Variants in NXPH1 observed in about 807,000 individuals in gnomAD.
NXPH1 encodes neurexophilin-1.
Under a neutral mutation model 23.7 loss-of-function variants are expected in NXPH1, and 5 were observed. The observed-to-expected ratio is 0.21, with a 90% CI of 0.11 to 0.44. The LOEUF (loss-of-function observed/expected upper bound fraction) is 0.44. NXPH1 is among the 20% of genes least tolerant of loss of function. The pLI is 0.99. For synonymous variants in NXPH1, 144 were observed against 122.2 expected (o/e 1.18, Z -1.18); for missense variants, 324 against 321.6 (o/e 1.01, Z -0.06).
intron 2 of NXPH1, among the ~76,000 whole-genome samples, chr7:8,674,373 A>G (rs191505054): frequency 6.6e-6 from 1 of 152,168 alleles, no homozygotes; most frequent in Admixed American, 6.5e-5. Flanking sequence ...TGTTTCTCTC[A>G]AAGTATATTC....
intron 2 of NXPH1, among the ~76,000 whole-genome samples, chr7:8,738,212 GC>G (rs1780295390): frequency 6.6e-6 from 1 of 152,146 alleles, no homozygotes; most frequent in South Asian, 2.1e-4. Context: ...AGGAGAAGAG[GC>G]ATTCTGGATT....
In NXPH1 at chr7:8,751,232, C is replaced by A; in HGVS notation, c.279C>A (p.Asn93Lys). The A allele has an allele frequency of 6.2e-7, 1 of 1,613,872 alleles. No homozygotes were observed. Among genetic ancestry groups the A allele is most frequent in the Non-Finnish European group, 8.5e-7 (1 of 1,179,812 alleles). Reference protein sequence around the residue: ...SEQDLWDWLRNSTDLQEPRPR... With the variant: ...SEQDLWDWLRKSTDLQEPRPR... ...AAGACCTCTGGGACTGGCTGAGGAACTCCACAGACCTTCAAGAGCCTCGGC... is the reference window on the plus strand; with the variant it reads ...AAGACCTCTGGGACTGGCTGAGGAAATCCACAGACCTTCAAGAGCCTCGGC... Residue 93 changes from asparagine (N) to lysine (K), a missense_variant, in exon 3 of 3, where the codon AAC becomes AAA. Asn to Lys is a moderately conservative substitution (Grantham distance 94, BLOSUM62 0). Transcript: ENST00000405863. This position sits in a 1 kb window ranked among gnomAD's most constrained non-coding sequence, Gnocchi z 4.5.
chr7:8,492,196 A>AT (rs1355926204), intron 2 of NXPH1, among the ~76,000 whole-genome samples: 1 of 151,924 alleles, frequency 6.6e-6, no homozygotes, highest in African/African-American at 2.4e-5. Context: ...AGAATTTTAG[A>AT]TTTTTTCCTT....
chr7:8,548,140 C>T (rs1423216846), intron 2 of NXPH1, among the ~76,000 whole-genome samples: 1 of 151,460 alleles, frequency 6.6e-6, no homozygotes, highest in Non-Finnish European at 1.5e-5. Flanking sequence ...TAATTCTTAT[C>T]CTCCCACCTT....
chr7:8,740,365 G>A (rs371818692), intron 2 of NXPH1, among the ~76,000 whole-genome samples: 1 of 152,168 alleles, frequency 6.6e-6, no homozygotes, highest in Admixed American at 6.5e-5. Context: ...ATAAATACAG[G>A]CATGTATTTA....
At chr7:8,531,844 G>A (rs879569323) in intron 2 of NXPH1, among the ~76,000 whole-genome samples, 5 of 152,144 alleles carry the variant, frequency 3.3e-5, no homozygotes, top group African/African-American at 4.8e-5. Flanking sequence ...TGTTCCATCT[G>A]GTGTTAAAGC....
chr7:8,728,661 A>G (rs1245971949), intron 2 of NXPH1, among the ~76,000 whole-genome samples: 1 of 151,232 alleles, frequency 6.6e-6, no homozygotes, highest in African/African-American at 2.4e-5. Context: ...GCGTATATTG[A>G]ACCAGCCTTG....
intron 2 of NXPH1, among the ~76,000 whole-genome samples, chr7:8,624,169 A>C (rs1819940527): frequency 6.6e-6 from 1 of 152,188 alleles, no homozygotes; most frequent in Non-Finnish European, 1.5e-5. Context: ...CCAAAGCATC[A>C]GAGGAGCCTC....
At chr7:8,586,404 A>G (rs1818982201) in intron 2 of NXPH1, among the ~76,000 whole-genome samples, 1 of 152,094 alleles carries the variant, frequency 6.6e-6, no homozygotes, top group Non-Finnish European at 1.5e-5. Context: ...CCCATGTCAT[A>G]TGAACCAGTG....
chr7:8,454,798 G>A (rs900865711), intron 2 of NXPH1, among the ~76,000 whole-genome samples: 2 of 152,028 alleles, frequency 1.3e-5, no homozygotes, highest in Non-Finnish European at 2.9e-5. Flanking sequence ...TACCTATTGG[G>A]CAATATGACA....
chr7:8,631,813 A>C (rs965780056), intron 2 of NXPH1, among the ~76,000 whole-genome samples: 1 of 152,168 alleles, frequency 6.6e-6, no homozygotes, highest in Non-Finnish European at 1.5e-5. Flanking sequence ...ACATTCTCTT[A>C]TTAGAAGCAA....
intron 2 of NXPH1, among the ~76,000 whole-genome samples, chr7:8,609,278 G>A (rs936679711): frequency 6.6e-6 from 1 of 152,126 alleles, no homozygotes; most frequent in East Asian, 1.9e-4. Context: ...CATTTTAGAC[G>A]ATTCTTTAAC....
rs530418896 is a variant in NXPH1 at position 8,553,181 on chromosome 7, A to T, written c.54+117414A>T. On this transcript the variant is annotated intron_variant, in intron 2 of 2. Coordinates refer to ENST00000405863, the MANE Select transcript of NXPH1 (RefSeq NM_152745.3). The stretch of plus-strand genomic sequence containing the variant: ...AGAAAAAAAGCAGAGCTGGACAAAC[A>T]AATTTATTTCTCTATCCTTAATGGA... Among the ~76,000 whole-genome samples the T allele has an allele frequency of 2.0e-5, 3 of 151,736 alleles. No homozygotes were observed. The South Asian group carries it at 6.2e-4, about 31-fold the overall frequency.
intron 2 of NXPH1, among the ~76,000 whole-genome samples, chr7:8,528,401 T>C (rs1817899051): frequency 6.6e-6 from 1 of 152,250 alleles, no homozygotes; most frequent in Admixed American, 6.5e-5. Context: ...ATGACTTTGG[T>C]TTGCAGAAAT....
chr7:8,725,412 C>T (rs912459312), intron 2 of NXPH1, among the ~76,000 whole-genome samples: 11 of 151,552 alleles, frequency 7.3e-5, no homozygotes, highest in African/African-American at 2.4e-4. Context: ...ATGGCTAGAA[C>T]CTGGGAGGCA....
At chr7:8,466,391 C>T (rs1235480059) in intron 2 of NXPH1, among the ~76,000 whole-genome samples, 2 of 152,068 alleles carry the variant, frequency 1.3e-5, no homozygotes, top group Non-Finnish European at 2.9e-5. Flanking sequence ...GTCAGCAGAA[C>T]CAGTGATGTA....
chr7:8,514,420 C>T (rs936926387), intron 2 of NXPH1, among the ~76,000 whole-genome samples: 1 of 152,116 alleles, frequency 6.6e-6, no homozygotes, highest in Non-Finnish European at 1.5e-5. Flanking sequence ...AGTTGCACAG[C>T]GAATAGCAGA....
At chr7:8,500,127 T>G (rs934126735) in intron 2 of NXPH1, among the ~76,000 whole-genome samples, 10 of 152,100 alleles carry the variant, frequency 6.6e-5, no homozygotes, top group African/African-American at 2.4e-4. Flanking sequence ...GGCAGAAGTT[T>G]CCTCGCCATC....
Position 8,634,888 on chromosome 7 carries a change from C to G in NXPH1, c.55-116120C>G, listed in dbSNP as rs776308961. 5.3e-5 allele frequency among the ~76,000 whole-genome samples: 8 copies of G among 152,040 alleles called. No homozygotes were observed. The South Asian group carries it at 1.7e-3, about 31-fold the overall frequency. On this transcript the variant is annotated intron_variant, in intron 2 of 2. Coordinates refer to ENST00000405863, the MANE Select transcript of NXPH1 (RefSeq NM_152745.3). ...CTCCAGAATTCAGATGTTTCAACTC[C>G]TTCACAAGACACTTTTAAAGTACTT...
Sources: gnomAD v4.1 joint callset for allele counts (sites outside exome capture counted in the v4.1 genomes callset) on GRCh38, gnomAD v4.1.1 for gene constraint, Gnocchi (gnomAD v3.1) non-coding constraint, MANE v1.5 for transcripts, NCBI Gene and HGNC (gene_info 2026-07-23, HGNC 2026-07-21) for gene names.